FMN1: variants seen among roughly 807,000 people sequenced by gnomAD.
FMN1 encodes the protein formin-1.
In FMN1, 110 loss-of-function variants were observed where a neutral mutation model predicts 132.4. The ratio of observed to expected loss-of-function variants is 0.83; its 90% CI spans 0.71 to 0.97. FMN1 has a LOEUF of 0.97. Ranked by LOEUF, FMN1 falls within the 50% of genes least tolerant of loss-of-function variation. The pLI is 0.00. For missense variants in FMN1, 1,792 were observed against 1,705.3 expected (o/e 1.05, Z -0.90); for synonymous variants, 722 against 651.7 (o/e 1.11, Z -1.64).
At chr15:32,953,493 T>C (rs2061696866) in intron 9 of FMN1, among the ~76,000 whole-genome samples, 1 of 152,172 alleles carries the variant, frequency 6.6e-6, no homozygotes, top group Non-Finnish European at 1.5e-5. Context: ...AGGTCCGTGT[T>C]TACAGCCATG....
At chr15:33,045,435 G>A (rs1034559217) in intron 6 of FMN1, among the ~76,000 whole-genome samples, 1 of 152,188 alleles carries the variant, frequency 6.6e-6, no homozygotes, top group Non-Finnish European at 1.5e-5. Context: ...TGGCTGTTAA[G>A]AAATATCCCA....
chr15:33,081,123 C>T (rs1310633727), intron 5 of FMN1, among the ~76,000 whole-genome samples: 2 of 152,152 alleles, frequency 1.3e-5, no homozygotes, highest in African/African-American at 4.8e-5. Context: ...TTCTTAAACC[C>T]TTGCATTTCG....
intron 6 of FMN1, among the ~76,000 whole-genome samples, chr15:33,020,175 C>G (rs1363743774): frequency 6.6e-6 from 1 of 152,238 alleles, no homozygotes; most frequent in Non-Finnish European, 1.5e-5. Context: ...AGACTTGTCA[C>G]TGGCATCCGA....
chr15:33,188,994 G>GT (rs1965983880), intron 2 of FMN1, among the ~76,000 whole-genome samples: 1 of 152,080 alleles, frequency 6.6e-6, no homozygotes, highest in Non-Finnish European at 1.5e-5. Context: ...AAACTTTAAG[G>GT]TTTTTTTGTT....
At chr15:32,981,040 A>G (rs1242039313) in intron 7 of FMN1, among the ~76,000 whole-genome samples, 1 of 152,032 alleles carries the variant, frequency 6.6e-6, no homozygotes, top group Non-Finnish European at 1.5e-5. Flanking sequence ...CATTTCTTAT[A>G]ATTCATGTTT....
At chr15:33,078,390 T>C (rs1007733024) in intron 5 of FMN1, among the ~76,000 whole-genome samples, 1 of 152,182 alleles carries the variant, frequency 6.6e-6, no homozygotes, top group Non-Finnish European at 1.5e-5. Flanking sequence ...ATCATTTTAA[T>C]TGGATATTTA....
intron 6 of FMN1, among the ~76,000 whole-genome samples, chr15:33,050,538 T>A (rs1216643389): frequency 1.3e-5 from 2 of 152,138 alleles, no homozygotes; most frequent in Non-Finnish European, 2.9e-5. Flanking sequence ...ACCACTTATA[T>A]CAGAAAAATA....
intron 6 of FMN1, among the ~76,000 whole-genome samples, chr15:33,037,272 T>A (rs2036232016): frequency 6.6e-6 from 1 of 152,222 alleles, no homozygotes; most frequent in Non-Finnish European, 1.5e-5. Flanking sequence ...TTTTTGTCCC[T>A]GGTAGAGATG....
intron 4 of FMN1, among the ~76,000 whole-genome samples, chr15:33,137,255 G>A (rs2140241945): frequency 6.6e-6 from 1 of 152,272 alleles, no homozygotes; most frequent in East Asian, 1.9e-4. Flanking sequence ...CTGGCTTTCA[G>A]CCCATGCCAC....
chr15:32,839,528 A>T (rs945886962), intron 17 of FMN1, among the ~76,000 whole-genome samples: 15 of 152,176 alleles, frequency 9.9e-5, no homozygotes, highest in Non-Finnish European at 4.4e-5. Flanking sequence ...AAGAGCCATT[A>T]GCCAGGAAAT....
At chr15:33,153,014 G>T in intron 4 of FMN1, 34 bp downstream of exon 4, 1 of 1,464,738 alleles carries the variant, frequency 6.8e-7, no homozygotes, top group Non-Finnish European at 9.0e-7. Context: ...AATCAGCCAA[G>T]AATAGATTCA....
At chr15:33,050,254 A>C (rs2141171775) in intron 6 of FMN1, among the ~76,000 whole-genome samples, 1 of 152,330 alleles carries the variant, frequency 6.6e-6, no homozygotes, top group South Asian at 2.1e-4. Context: ...CTGTATACAT[A>C]TTGTTAAACT....
chr15:33,122,861 G>A (rs1344238272), intron 4 of FMN1, among the ~76,000 whole-genome samples: 1 of 152,138 alleles, frequency 6.6e-6, no homozygotes, highest in African/African-American at 2.4e-5. Flanking sequence ...GATTGACATA[G>A]TATAGGCTAT....
intron 15 of FMN1, among the ~76,000 whole-genome samples, chr15:32,894,826 T>C (rs2060115632): frequency 7.5e-6 from 1 of 134,094 alleles, no homozygotes; most frequent in Non-Finnish European, 1.6e-5. Context: ...AGAAACATTT[T>C]AATGTATTTT....
intron 2 of FMN1, among the ~76,000 whole-genome samples, chr15:33,182,978 G>C (rs575840346): frequency 1.3e-5 from 2 of 152,180 alleles, no homozygotes; most frequent in Non-Finnish European, 2.9e-5. Flanking sequence ...GAAGGGGCTT[G>C]CTCAGTGTCA....
At chr15:33,067,543 T>C (rs767173308) in intron 5 of FMN1, 12 of 1,614,000 alleles carry the variant, frequency 7.4e-6, no homozygotes, top group Non-Finnish European at 1.0e-5. Flanking sequence ...CAAGGAGAGA[T>C]GTCCCTGCTT....
chr15:33,004,193 G>C (rs1357433338), intron 7 of FMN1, among the ~76,000 whole-genome samples: 2 of 152,152 alleles, frequency 1.3e-5, no homozygotes, highest in African/African-American at 4.8e-5. Context: ...ATTGACAAAT[G>C]GGATCTAATT....
chr15:32,965,668 A>G (rs891208820), intron 8 of FMN1, among the ~76,000 whole-genome samples: 2 of 152,154 alleles, frequency 1.3e-5, no homozygotes, highest in Non-Finnish European at 2.9e-5. Flanking sequence ...TTTGCAATAG[A>G]TCTGCCTTTC....
At chr15:33,034,855 T>G (rs1189922622) in intron 6 of FMN1, among the ~76,000 whole-genome samples, 1 of 152,168 alleles carries the variant, frequency 6.6e-6, no homozygotes, top group Non-Finnish European at 1.5e-5. Flanking sequence ...AGAGGGAGTC[T>G]TTGCAAATAC....
Sources: allele counts gnomAD v4.1 joint callset (sites outside exome capture counted in the v4.1 genomes callset), GRCh38; gene constraint gnomAD v4.1.1; transcripts MANE v1.5; gene names NCBI Gene and HGNC (gene_info 2026-07-23, HGNC 2026-07-21).